Variants in AGPAT5 observed in about 807,000 individuals in gnomAD.
The protein encoded by AGPAT5 is 1-acyl-sn-glycerol-3-phosphate acyltransferase epsilon.
AGPAT5 carries 46 observed loss-of-function variants against 45.6 expected under a neutral mutation model. That is an observed-to-expected ratio of 1.01 (90% CI 0.80 to 1.29). The LOEUF (loss-of-function observed/expected upper bound fraction) is 1.29. Ranked by LOEUF, AGPAT5 falls within the 50% of genes most tolerant of loss-of-function variation. AGPAT5 has a pLI of 0.00. For synonymous variants in AGPAT5, 272 were observed against 167.0 expected, an observed-to-expected ratio of 1.63 and a Z score of -4.85; for missense variants, 673 against 450.7, an observed-to-expected ratio of 1.49 and a Z score of -4.47.
chr8:6,718,000 A>G (rs1406870134), intron 1 of AGPAT5, among the ~76,000 whole-genome samples: 2 of 152,190 alleles, frequency 1.3e-5, no homozygotes, highest in African/African-American at 2.4e-5. Flanking sequence ...ATCTGGATTA[A>G]GTGTCAACTT....
intron 2 of AGPAT5, among the ~76,000 whole-genome samples, chr8:6,729,448 T>A (rs907543713): frequency 6.6e-6 from 1 of 151,940 alleles, no homozygotes; most frequent in East Asian, 1.9e-4. Flanking sequence ...TTTCACAGAT[T>A]AACAGTTTTC....
chr8:6,741,711 A>T lies in AGPAT5; in HGVS notation c.546A>T (p.Thr182=). 3 of 1,612,914 alleles carry T rather than the reference A, an allele frequency of 1.9e-6. No homozygotes were observed. Among genetic ancestry groups the T allele is most frequent in the Non-Finnish European group, 2.5e-6 (3 of 1,179,404 alleles). ...GTACAAGGTATAATCCAGAGCAAAC[A>T]AAAGTCCTTTCAGCTAGTCAGGCAT... ...PEGTRYNPEQ[T]KVLSASQAFA... The change falls in exon 5 of 8, where the codon ACA becomes ACT. Residue 182 remains threonine (T), a synonymous_variant. Transcript: ENST00000285518.
chr8:6,729,192 A>G (rs558625777), intron 2 of AGPAT5, among the ~76,000 whole-genome samples: 77 of 152,314 alleles, frequency 5.1e-4, no homozygotes, highest in African/African-American at 1.8e-3. Flanking sequence ...AAATGGCTAA[A>G]TCTTTTTTGG....
chr8:6,745,683 T>C (rs1384188084), intron 5 of AGPAT5: 1 of 152,154 alleles, frequency 6.6e-6, no homozygotes, highest in African/African-American at 2.4e-5. Context: ...TTTTATTTCC[T>C]GGGTTGTCGT....
chr8:6,748,255 CT>C (rs200437646), intron 6 of AGPAT5, among the ~76,000 whole-genome samples: 8 of 151,274 alleles, frequency 5.3e-5, no homozygotes, highest in African/African-American at 1.7e-4. Flanking sequence ...TAAGTGTGAC[CT>C]TTTTTTTTCC....
chr8:6,760,032 G>A lies in AGPAT5; in HGVS notation c.*2644G>A, dbSNP rs185767204. Among the ~76,000 whole-genome samples the A allele has an allele frequency of 1.3e-5, 2 of 152,252 alleles. No individual in the cohort carries two copies. The highest frequency in any genetic ancestry group is 3.9e-4 in the East Asian group (2 of 5,186). On this transcript the variant is annotated 3_prime_UTR_variant, in exon 8 of 8. Transcript: ENST00000285518. ...AGTTTTTCATATGTTTCATTTCCAT[G>A]TGATTTTTAAAATTTAGAGTGGCAA...
intron 4 of AGPAT5, among the ~76,000 whole-genome samples, 164 bp from the exon 5 acceptor site, chr8:6,741,497 T>C (rs890781485): frequency 1.3e-5 from 2 of 152,186 alleles, no homozygotes; most frequent in African/African-American, 4.8e-5. Context: ...AATTGTTGCA[T>C]TTTGTTTGCC....
At chr8:6,748,038 G>A (rs1801534740) in intron 6 of AGPAT5, among the ~76,000 whole-genome samples, 1 of 152,214 alleles carries the variant, frequency 6.6e-6, no homozygotes, top group East Asian at 1.9e-4. Flanking sequence ...TGTGAGTCCT[G>A]TGGACTCACC....
At chr8:6,714,767 G>A (rs1427340957) in intron 1 of AGPAT5, among the ~76,000 whole-genome samples, 1 of 152,188 alleles carries the variant, frequency 6.6e-6, no homozygotes, top group Non-Finnish European at 1.5e-5. Context: ...TTTTAGTACA[G>A]TAGCACGAAA....
chr8:6,734,406 A>T (rs1403032108), intron 4 of AGPAT5, among the ~76,000 whole-genome samples: 1 of 151,802 alleles, frequency 6.6e-6, no homozygotes, highest in Non-Finnish European at 1.5e-5. Flanking sequence ...GGCACTCTTC[A>T]TCTCTGCTAC....
chr8:6,740,422 A>AT (rs1801208970), intron 4 of AGPAT5, among the ~76,000 whole-genome samples: 1 of 150,458 alleles, frequency 6.6e-6, no homozygotes. Flanking sequence ...ACTTTTCTAC[A>AT]TTTTCTTAAC....
intron 4 of AGPAT5, among the ~76,000 whole-genome samples, chr8:6,737,209 T>A (rs546443818): frequency 1.3e-5 from 2 of 152,230 alleles, no homozygotes; most frequent in African/African-American, 4.8e-5. Flanking sequence ...AAGGTCACTG[T>A]CCCAGGTCGG....
rs771352884 is a variant in AGPAT5, at chr8:6,757,422, A to G, written c.*34A>G. 5 of 1,560,550 alleles carry G rather than the reference A, an allele frequency of 3.2e-6. No homozygotes were observed. In the African/African-American group the frequency reaches 5.4e-5, roughly 17 times the overall value. ...CTGTCTCCAGACAGTGGGATGTGCTACATTGTCTATTTTTGGCGGCTGCAC... is the reference window on the plus strand; with the variant it reads ...CTGTCTCCAGACAGTGGGATGTGCTGCATTGTCTATTTTTGGCGGCTGCAC... On this transcript the variant is annotated 3_prime_UTR_variant, in exon 8 of 8. Transcript: ENST00000285518.
chr8:6,749,488 C>T (rs1266567211), intron 6 of AGPAT5, among the ~76,000 whole-genome samples: 2 of 152,212 alleles, frequency 1.3e-5, no homozygotes, highest in Non-Finnish European at 2.9e-5. Flanking sequence ...ACGAAATGCA[C>T]AGTGAAACGT....
intron 1 of AGPAT5, among the ~76,000 whole-genome samples, chr8:6,716,259 C>T (rs960904171): frequency 1.3e-5 from 2 of 152,120 alleles, no homozygotes; most frequent in Admixed American, 1.3e-4. Context: ...TTTCTTTTAA[C>T]AAAAATGGTG....
intron 6 of AGPAT5, among the ~76,000 whole-genome samples, chr8:6,754,050 G>T (rs919092771): frequency 6.6e-6 from 1 of 152,184 alleles, no homozygotes; most frequent in Non-Finnish European, 1.5e-5. Flanking sequence ...TGAGGCCAAA[G>T]GTCTCAGCCT....
intron 1 of AGPAT5, among the ~76,000 whole-genome samples, chr8:6,714,728 T>C (rs1283776914): frequency 6.6e-6 from 1 of 152,230 alleles, no homozygotes; most frequent in East Asian, 1.9e-4. Flanking sequence ...GAAGGTTCTT[T>C]AGTTAAATGA....
chr8:6,710,675 C>G (rs2116841709), intron 1 of AGPAT5, among the ~76,000 whole-genome samples: 1 of 152,206 alleles, frequency 6.6e-6, no homozygotes, highest in Non-Finnish European at 1.5e-5. Flanking sequence ...GGGTCTTTTT[C>G]TGCAATCTGG....
At chr8:6,744,115 ATATACT>A (rs1801341562) in intron 5 of AGPAT5, among the ~76,000 whole-genome samples, 1 of 152,138 alleles carries the variant, frequency 6.6e-6, no homozygotes, top group South Asian at 2.1e-4. Context: ...TAGGATATTA[ATATACT>A]TAATATTACA....
Sources: allele counts gnomAD v4.1 joint callset (sites outside exome capture counted in the v4.1 genomes callset), GRCh38; gene constraint gnomAD v4.1.1; transcripts MANE v1.5; gene names NCBI Gene and HGNC (gene_info 2026-07-23, HGNC 2026-07-21).